Variants in EDARADD observed in about 807,000 individuals in gnomAD.
EDARADD encodes EDAR associated via death domain, also known as ectodysplasin-A receptor-associated adapter protein.
EDARADD carries 20 observed loss-of-function variants against 25.6 expected under a neutral mutation model. The ratio of observed to expected loss-of-function variants is 0.78; its 90% CI spans 0.55 to 1.14. The LOEUF (loss-of-function observed/expected upper bound fraction) is 1.14. Ranked by LOEUF, EDARADD falls within the 50% of genes most tolerant of loss-of-function variation. The pLI, the probability that EDARADD is intolerant of heterozygous loss-of-function variation, is 0.00. For missense variants in EDARADD, 225 were observed against 270.1 expected (o/e 0.83, Z 1.17); for synonymous variants, 86 against 94.4 (o/e 0.91, Z 0.52).
At chr1:236,389,502 T>C (rs1030527627), upstream of EDARADD, among the ~76,000 whole-genome samples, 1 of 152,072 alleles carries the variant, frequency 6.6e-6, no homozygotes, top group Non-Finnish European at 1.5e-5. Context: ...ATTGCATAAG[T>C]GAAGAGAGGA....
chr1:236,443,397 C>T (rs1658452638), intron 4 of EDARADD, among the ~76,000 whole-genome samples: 1 of 152,118 alleles, frequency 6.6e-6, no homozygotes, highest in South Asian at 2.1e-4. Context: ...GGAAAGGATT[C>T]ACCATTCTAG....
upstream of EDARADD, among the ~76,000 whole-genome samples, chr1:236,393,375 T>TTTTC (rs201323282): frequency 0.011 from 1,405 of 130,490 alleles, 76 homozygotes; most frequent in African/African-American, 0.04. Flanking sequence ...GTCCATTTTC[T>TTTTC]TTTCTTTCTT....
chr1:236,374,114 GC>G (rs1186294823), intron 3 of EDARADD, among the ~76,000 whole-genome samples: 1 of 152,116 alleles, frequency 6.6e-6, no homozygotes, highest in Non-Finnish European at 1.5e-5. Flanking sequence ...GTTCATGTGA[GC>G]TTGGAAAGAG....
At chr1:236,468,171 GATA>G (rs1031723003) in intron 4 of EDARADD, 57 bp from the exon 5 acceptor site, 19 of 1,526,238 alleles carry the variant, frequency 1.2e-5, no homozygotes, top group Non-Finnish European at 1.7e-5. Flanking sequence ...TTGGAAGATT[GATA>G]ATATCTCCAT....
At position 236,484,721 on chromosome 1, in the gene EDARADD, A is replaced by AG; in HGVS notation, c.*2072_*2073insG. 3.1e-6 allele frequency: 1 copy of AG among 318,636 alleles called. No homozygotes were observed. The highest frequency in any genetic ancestry group is 5.9e-6 in the Non-Finnish European group (1 of 168,352). 19.7% of individuals were successfully genotyped at this position (318,636 alleles called of 1,614,324 possible). A position where few individuals can be genotyped will look rare whatever the true frequency, so the allele number is the denominator to read the frequency against. On this transcript the variant is annotated 3_prime_UTR_variant, in exon 6 of 6. Coordinates refer to ENST00000334232, the MANE Select transcript of EDARADD (RefSeq NM_145861.4). This position sits in a 1 kb window ranked among gnomAD's most constrained non-coding sequence, Gnocchi z 4.1. ...GAGTCCGTCCCAGAAAAAAAAAAAA[A>AG]AAAAAAGAACTTCTACAGAAGCCAA...
chr1:236,378,216 T>A (rs1055828796), intron 3 of EDARADD, among the ~76,000 whole-genome samples: 6 of 152,204 alleles, frequency 3.9e-5, no homozygotes, highest in Non-Finnish European at 7.3e-5. Flanking sequence ...TCAGGCCTTG[T>A]TAAGAAGAAT....
At position 236,396,500 on chromosome 1, in the gene EDARADD, T is replaced by C. The variant is rs932660930; in HGVS notation, c.61+1995T>C. 3.9e-5 allele frequency among the ~76,000 whole-genome samples: 6 copies of C among 152,306 alleles called. No individual in the cohort carries two copies. In the South Asian group the frequency reaches 1.2e-3, roughly 32 times the overall value. On this transcript the variant is annotated intron_variant, in intron 1 of 5. Coordinates refer to ENST00000334232, the MANE Select transcript of EDARADD (RefSeq NM_145861.4). ...ACAGAACCTGATATAACCGTTTAGA[T>C]AAACGCGTTTCCTATTTCATTTCTT...
rs1038365912 is a variant in EDARADD at position 236,484,373 on chromosome 1, C to T, written c.*1724C>T. The T allele has an allele frequency of 1.1e-4, 170 of 1,585,090 alleles. 1 individual carries two copies. In the Admixed American group the frequency reaches 2.8e-3, roughly 26 times the overall value. On this transcript the variant is annotated 3_prime_UTR_variant, in exon 6 of 6. Transcript: ENST00000334232. This position sits in a 1 kb window ranked among gnomAD's most constrained non-coding sequence, Gnocchi z 4.1. ...CTGGTGCCCCTTGCTGATCTGAGCG[C>T]TTGGCCAAGTACAACCAGCTCCTCA... is the stretch of plus-strand genomic sequence containing the variant.
At position 236,398,167 on chromosome 1, in the gene EDARADD, C is replaced by T. The variant is rs778819305; in HGVS notation, c.61+3662C>T. 2.0e-5 allele frequency among the ~76,000 whole-genome samples: 3 copies of T among 152,126 alleles called. No homozygotes were observed. The highest frequency in any genetic ancestry group is 7.2e-5 in the African/African-American group (3 of 41,422). On this transcript the variant is annotated intron_variant, in intron 1 of 5. Coordinates refer to ENST00000334232, the MANE Select transcript of EDARADD (RefSeq NM_145861.4). This position sits in a 1 kb window ranked among gnomAD's most constrained non-coding sequence, Gnocchi z 4.1. ...CAAGATGGAGTCTCACTCTGTCACCCAGGCTGGAGTGCAGTGGCGTGATCC... is the reference window on the plus strand; with the variant it reads ...CAAGATGGAGTCTCACTCTGTCACCTAGGCTGGAGTGCAGTGGCGTGATCC...
At chr1:236,434,785 T>C (rs746113435) in intron 4 of EDARADD, among the ~76,000 whole-genome samples, 1 of 150,728 alleles carries the variant, frequency 6.6e-6, no homozygotes, top group Non-Finnish European at 1.5e-5. Context: ...CGGAGAGGGG[T>C]GGGTGGTGGA....
At chr1:236,446,131 A>C (rs584792) in intron 4 of EDARADD, among the ~76,000 whole-genome samples, 42 of 152,098 alleles carry the variant, frequency 2.8e-4, no homozygotes, top group Non-Finnish European at 5.1e-4. Context: ...CCATCTTCCT[A>C]CTGCCATTTT....
In EDARADD at chr1:236,431,789, C is replaced by T. The variant is rs1161073852; in HGVS notation, c.219+4339C>T. Among the ~76,000 whole-genome samples the T allele has an allele frequency of 9.6e-5, 10 of 103,832 alleles. 1 individual carries two copies. The highest frequency in any genetic ancestry group is 2.2e-4 in the African/African-American group (8 of 36,270). 68.1% of individuals were successfully genotyped at this position (103,832 alleles called of 152,430 possible). On this transcript the variant is annotated intron_variant, in intron 4 of 5. Transcript: ENST00000334232. The stretch of plus-strand genomic sequence containing the variant: ...ACAAAAAATTAGCCGGGCGCGGTGG[C>T]GGGCGCCTGTAGTCCCAGCTACTCG...
At chr1:236,400,934 G>A (rs969522039) in intron 1 of EDARADD, among the ~76,000 whole-genome samples, 11 of 151,866 alleles carry the variant, frequency 7.2e-5, no homozygotes, top group East Asian at 5.8e-4. Context: ...GGTGGCTCAC[G>A]CCTATAATCC....
At chr1:236,364,236 G>A (rs547679112) in intron 3 of EDARADD, among the ~76,000 whole-genome samples, 13 of 152,200 alleles carry the variant, frequency 8.5e-5, no homozygotes, top group Admixed American at 2.6e-4. Flanking sequence ...ATAGCAATGC[G>A]AGAATGAACT....
At chr1:236,446,586 T>G (rs974618553) in intron 4 of EDARADD, among the ~76,000 whole-genome samples, 1 of 152,022 alleles carries the variant, frequency 6.6e-6, no homozygotes, top group Non-Finnish European at 1.5e-5. Flanking sequence ...TAAAAGCTTC[T>G]TAAGTCTTGA....
At chr1:236,362,987 GAAAAAAA>G (rs577963160) in intron 3 of EDARADD, among the ~76,000 whole-genome samples, 8 of 29,566 alleles carry the variant, frequency 2.7e-4, no homozygotes, top group East Asian at 2.2e-3. Flanking sequence ...CTTTTTTTAA[GAAAAAAA>G]AAAAAAAAAA....
intron 2 of EDARADD, among the ~76,000 whole-genome samples, chr1:236,349,320 T>C (rs534767716): frequency 1.2e-4 from 19 of 152,288 alleles, no homozygotes; most frequent in African/African-American, 4.6e-4. Context: ...ACTACAGGCG[T>C]GTTGCCCAAA....
At position 236,484,737 on chromosome 1, in the gene EDARADD, C is replaced by T. The variant is rs1420446675; in HGVS notation, c.*2088C>T. The T allele has an allele frequency of 3.5e-6, 1 of 289,648 alleles. No homozygotes were observed. Among genetic ancestry groups the T allele is most frequent in the African/African-American group, 2.2e-5 (1 of 44,514 alleles). The allele number at this position is 289,648 out of a possible 1,614,324, so 17.9% of individuals were successfully genotyped here. A position where few individuals can be genotyped will look rare whatever the true frequency, so the allele number is the denominator to read the frequency against. ...AAAAAAAAAAAAAAAAGAACTTCTACAGAAGCCAAGCTCCCTGGAGCCCTG... is the reference window on the plus strand; with the variant it reads ...AAAAAAAAAAAAAAAAGAACTTCTATAGAAGCCAAGCTCCCTGGAGCCCTG... On this transcript the variant is annotated 3_prime_UTR_variant, in exon 6 of 6. Transcript: ENST00000334232. The surrounding 1 kb of genome is among the most constrained non-coding windows in gnomAD (Gnocchi z 4.1).
At chr1:236,408,435 C>A (rs1667775676) in intron 1 of EDARADD, among the ~76,000 whole-genome samples, 1 of 152,134 alleles carries the variant, frequency 6.6e-6, no homozygotes, top group Admixed American at 6.5e-5. Context: ...AACTCCTGAC[C>A]TCAGGTGATC....
Sources: gnomAD v4.1 joint callset for allele counts (sites outside exome capture counted in the v4.1 genomes callset) on GRCh38, gnomAD v4.1.1 for gene constraint, Gnocchi (gnomAD v3.1) non-coding constraint, MANE v1.5 for transcripts, NCBI Gene and HGNC (gene_info 2026-07-23, HGNC 2026-07-21) for gene names.